The following ZNG1F variants were observed in gnomAD, a reference collection of about 807,000 sequenced individuals.
ZNG1F encodes the protein zinc-regulated GTPase metalloprotein activator 1F.
chr9:41,204,912 G>A, the ZNG1F span, among the ~76,000 whole-genome samples: 1 of 149,932 alleles, frequency 6.7e-6, no homozygotes, highest in South Asian at 2.2e-4. Flanking sequence ...TGTTTTTATT[G>A]TAGTTTTGGT....
At chr9:41,155,328 T>C in the ZNG1F span, among the ~76,000 whole-genome samples, 6 of 150,146 alleles carry the variant, frequency 4.0e-5, no homozygotes, top group South Asian at 6.3e-4. Flanking sequence ...CCAGTTAGAA[T>C]GGCGATCATT....
chr9:41,184,209 C>A, the ZNG1F span, among the ~76,000 whole-genome samples: 31 of 149,130 alleles, frequency 2.1e-4, no homozygotes, highest in Admixed American at 2.0e-3. Context: ...GAGGCCAAGG[C>A]GGGCGGATAA....
At chr9:41,155,153 T>G in the ZNG1F span, among the ~76,000 whole-genome samples, 173 of 151,324 alleles carry the variant, frequency 1.1e-3, 1 homozygote, top group African/African-American at 3.9e-3. Flanking sequence ...CAAACAAATT[T>G]ACAAGAAAAA....
At chr9:41,154,637 G>T in the ZNG1F span, among the ~76,000 whole-genome samples, 1 of 147,132 alleles carries the variant, frequency 6.8e-6, no homozygotes, top group African/African-American at 2.5e-5. Flanking sequence ...AAACAGCATG[G>T]TACTGGTACC....
At chr9:41,148,732 G>T in the ZNG1F span, among the ~76,000 whole-genome samples, 1 of 138,570 alleles carries the variant, frequency 7.2e-6, no homozygotes, top group African/African-American at 2.7e-5. Context: ...CAAACTACAT[G>T]CAAATTTAAT....
At chr9:41,201,227 C>T in the ZNG1F span, among the ~76,000 whole-genome samples, 2 of 146,396 alleles carry the variant, frequency 1.4e-5, no homozygotes, top group Non-Finnish European at 1.5e-5. Flanking sequence ...TGTGCATGGG[C>T]ATATATTAAT....
the ZNG1F span, among the ~76,000 whole-genome samples, chr9:41,201,159 G>T: frequency 7.7e-5 from 11 of 143,756 alleles, no homozygotes; most frequent in East Asian, 6.5e-4. Context: ...GAAGCAATTT[G>T]TTCATAAGTA....
At chr9:41,204,404 A>T in the ZNG1F span, among the ~76,000 whole-genome samples, 1 of 11,696 alleles carries the variant, frequency 8.5e-5, no homozygotes, top group Admixed American at 1.7e-3. Context: ...ATATATATAT[A>T]TATATATATA....
chr9:41,155,977 T>G, the ZNG1F span, among the ~76,000 whole-genome samples: 7 of 128,384 alleles, frequency 5.5e-5, no homozygotes, highest in South Asian at 1.4e-3. Flanking sequence ...AAAACTTAAA[T>G]AATAATAAAT....
chr9:41,203,246 T>C, the ZNG1F span, among the ~76,000 whole-genome samples: 2 of 152,304 alleles, frequency 1.3e-5, no homozygotes, highest in African/African-American at 4.8e-5. Flanking sequence ...GATGGGGAGA[T>C]ACTTTGAAGC....
the ZNG1F span, chr9:41,174,365 A>T: frequency 6.2e-7 from 1 of 1,606,136 alleles, no homozygotes; most frequent in East Asian, 2.2e-5. Context: ...GAAAATATAT[A>T]ATATTCATCA....
chr9:41,141,062 G>A, the ZNG1F span, among the ~76,000 whole-genome samples: 1 of 150,618 alleles, frequency 6.6e-6, no homozygotes, highest in South Asian at 2.1e-4. Flanking sequence ...CTTTTAACAG[G>A]TTAAATATTT....
chr9:41,183,420 C>T, the ZNG1F span: 4 of 931,648 alleles, frequency 4.3e-6, no homozygotes, highest in Non-Finnish European at 6.1e-6. Flanking sequence ...AAAATGCTTC[C>T]TAATAAGTTT....
chr9:41,183,719 C>G, the ZNG1F span: 5 of 1,602,204 alleles, frequency 3.1e-6, 1 homozygote, highest in African/African-American at 2.7e-5. Context: ...CATTAGCCAA[C>G]AAAAAACAAA....
the ZNG1F span, among the ~76,000 whole-genome samples, chr9:41,147,616 G>GACA: frequency 1.4e-4 from 10 of 72,200 alleles, no homozygotes; most frequent in African/African-American, 5.5e-4. Context: ...GAGGCTATAG[G>GACA]GAGCTGACAT....
the ZNG1F span, among the ~76,000 whole-genome samples, chr9:41,143,857 C>T: frequency 3.9e-5 from 1 of 25,784 alleles, no homozygotes; most frequent in African/African-American, 7.4e-5. Flanking sequence ...CTGGGTGATG[C>T]ATACAAGGGG....
chr9:41,200,904 C>T, the ZNG1F span, among the ~76,000 whole-genome samples: 1 of 150,410 alleles, frequency 6.6e-6, no homozygotes, highest in Non-Finnish European at 1.5e-5. Flanking sequence ...CAATTACCTC[C>T]CACCGGGTCC....
chr9:41,157,448 T>G, the ZNG1F span: 1 of 129,774 alleles, frequency 7.7e-6, no homozygotes, highest in African/African-American at 3.0e-5. Context: ...TGGCACAGAG[T>G]GAGACTCCGC....
the ZNG1F span, among the ~76,000 whole-genome samples, chr9:41,193,470 T>G: frequency 1.7e-5 from 2 of 117,522 alleles, no homozygotes; most frequent in African/African-American, 2.7e-5. Flanking sequence ...AACTAAAACT[T>G]TAAAAAACAG....
Sources: gnomAD v4.1 joint callset for allele counts (sites outside exome capture counted in the v4.1 genomes callset) on GRCh38, gnomAD v4.1.1 for gene constraint, MANE v1.5 for transcripts, NCBI Gene and HGNC (gene_info 2026-07-23, HGNC 2026-07-21) for gene names.